The following PCDHGB2 variants were observed in gnomAD, a reference collection of about 807,000 sequenced individuals.
The protein encoded by PCDHGB2 is protocadherin gamma-B2.
Under a neutral mutation model 59.3 loss-of-function variants are expected in PCDHGB2, and 55 were observed. That is an observed-to-expected ratio of 0.93 (90% confidence interval 0.75 to 1.16). The LOEUF (loss-of-function observed/expected upper bound fraction) is 1.16. PCDHGB2 is among the 50% of genes most tolerant of loss of function. The pLI is 0.00. For synonymous variants in PCDHGB2, 516 were observed against 512.0 expected (o/e 1.01, Z -0.11); for missense variants, 1,228 against 1,198.5 (o/e 1.02, Z -0.36).
At chr5:141,439,547 T>C (rs2098120171) in intron 1 of PCDHGB2, among the ~76,000 whole-genome samples, 2 of 152,180 alleles carry the variant, frequency 1.3e-5, no homozygotes, top group Non-Finnish European at 2.9e-5. Context: ...CTCTCATTTC[T>C]TCAGGCTGCA....
chr5:141,468,598 G>A (rs1250884127), intron 1 of PCDHGB2: 1 of 152,228 alleles, frequency 6.6e-6, no homozygotes, highest in African/African-American at 2.4e-5. Context: ...TGGGCGCGGT[G>A]GCTCACGCCT....
At chr5:141,400,557 ACC>A in intron 1 of PCDHGB2, 5 of 1,613,254 alleles carry the variant, frequency 3.1e-6, no homozygotes, top group Non-Finnish European at 3.4e-6. Context: ...CTTTTTCATT[ACC>A]CACCCAATTT....
At position 141,486,230 on chromosome 5, in the gene PCDHGB2, A is replaced by G. The variant is rs1463946178; in HGVS notation, c.2422-8577A>G. ...TGACAATGCCCCTTACATCACAGTG[A>G]CCTCAGAGCTTGGAACCCTCCCCGA... On this transcript the variant is annotated intron_variant, in intron 1 of 3. Coordinates refer to ENST00000522605, the MANE Select transcript of PCDHGB2 (RefSeq NM_018923.3). This position sits in a 1 kb window ranked among gnomAD's most constrained non-coding sequence, Gnocchi z 5.0. 2 of 1,613,898 alleles carry G rather than the reference A, an allele frequency of 1.2e-6. No individual in the cohort carries two copies. The highest frequency in any genetic ancestry group is 2.2e-5 in the East Asian group (1 of 44,878).
At chr5:141,504,990 C>T (rs1056476591) in intron 2 of PCDHGB2, among the ~76,000 whole-genome samples, 3 of 151,976 alleles carry the variant, frequency 2.0e-5, no homozygotes, top group Non-Finnish European at 2.9e-5. Context: ...GGTGAAACCC[C>T]GTCTGTACTA....
At chr5:141,380,666 A>G (rs1338427097) in intron 1 of PCDHGB2, among the ~76,000 whole-genome samples, 1 of 152,250 alleles carries the variant, frequency 6.6e-6, no homozygotes, top group African/African-American at 2.4e-5. Flanking sequence ...CATTTACTCC[A>G]TAGGGTATGT....
intron 1 of PCDHGB2, chr5:141,375,652 G>A (rs1200856953): frequency 1.8e-5 from 29 of 1,614,096 alleles, no homozygotes; most frequent in Non-Finnish European, 2.3e-5. Context: ...TCGACTATGA[G>A]CAGTTGAGAG....
chr5:141,370,889 T>C, intron 1 of PCDHGB2: 4 of 1,614,040 alleles, frequency 2.5e-6, no homozygotes, highest in Non-Finnish European at 3.4e-6. Context: ...TAGGTGTCAA[T>C]TCGCTGCAGC....
intron 2 of PCDHGB2, among the ~76,000 whole-genome samples, chr5:141,498,024 A>G (rs1455238086): frequency 6.6e-6 from 1 of 152,200 alleles, no homozygotes; most frequent in East Asian, 1.9e-4. Flanking sequence ...GGAGACAAAT[A>G]TTGACCAAAT....
rs1438257730 is a variant in PCDHGB2, at chr5:141,477,587, C to G, written c.2422-17220C>G. 4.3e-6 allele frequency: 7 copies of G among 1,614,094 alleles called. 1 individual carries two copies. In the South Asian group the frequency reaches 7.7e-5, roughly 18 times the overall value. ...GGACCCCGACGCCCCGCAGAATGCT[C>G]GGCTTTCTTTCTTTCTCTTGGAGCA... On this transcript the variant is annotated intron_variant, in intron 1 of 3. Transcript: ENST00000522605. The surrounding 1 kb of genome is among the most constrained non-coding windows in gnomAD (Gnocchi z 4.9).
At chr5:141,421,222 C>T in intron 1 of PCDHGB2, 1 of 1,576,946 alleles carries the variant, frequency 6.3e-7, no homozygotes, top group Non-Finnish European at 8.6e-7. Flanking sequence ...CGGCTTAGAG[C>T]CTGCCATGGC....
At position 141,511,239 on chromosome 5, in the gene PCDHGB2, C is replaced by A; in HGVS notation, c.*66C>A. On this transcript the variant is annotated 3_prime_UTR_variant, in exon 4 of 4. Coordinates refer to ENST00000522605, the MANE Select transcript of PCDHGB2 (RefSeq NM_018923.3). ...AACCAGCCCAGCTTCTCCTTACCTG[C>A]ACCCAGGCCTCAGAGTTTCAGGGCT... 1 of 1,587,938 alleles carries A rather than the reference C, an allele frequency of 6.3e-7. No homozygotes were observed. Among genetic ancestry groups the A allele is most frequent in the Admixed American group, 1.8e-5 (1 of 55,480 alleles).
intron 1 of PCDHGB2, chr5:141,408,445 C>T (rs759314379): frequency 2.5e-6 from 4 of 1,613,846 alleles, no homozygotes; most frequent in Admixed American, 1.7e-5. Flanking sequence ...ACGCGGAGAG[C>T]GGGGACTTAC....
At position 141,361,541 on chromosome 5, in the gene PCDHGB2, C is replaced by CCA. The variant is rs1554077800; in HGVS notation, c.1407_1408insAC (p.Ser470ThrfsTer24). The CCA allele has an allele frequency of 2.5e-6, 4 of 1,613,956 alleles. No individual in the cohort carries two copies. Among genetic ancestry groups the CCA allele is most frequent in the Non-Finnish European group, 1.7e-6 (2 of 1,179,912 alleles). On this transcript the variant is annotated frameshift_variant, in exon 1 of 4. Coordinates refer to ENST00000522605, the MANE Select transcript of PCDHGB2 (RefSeq NM_018923.3). LOFTEE classifies it high-confidence loss of function. Reference sequence around the variant, plus strand: ...GTGGCAGAGAACAATCCTCCTGGCGCCTCTATCGCTCAAATCAGTGCCTCT... The same window carrying CCA: ...GTGGCAGAGAACAATCCTCCTGGCGCCACTCTATCGCTCAAATCAGTGCCTCT...
chr5:141,450,650 C>G (rs1220350105), intron 1 of PCDHGB2, among the ~76,000 whole-genome samples: 1 of 151,618 alleles, frequency 6.6e-6, no homozygotes, highest in Non-Finnish European at 1.5e-5. Context: ...CCATGCCTGG[C>G]TAATTTTTGT....
At chr5:141,403,010 C>G in intron 1 of PCDHGB2, 1 of 1,614,058 alleles carries the variant, frequency 6.2e-7, no homozygotes, top group Non-Finnish European at 8.5e-7. Flanking sequence ...ATGCTCGCTC[C>G]TGGGGATGCT....
intron 1 of PCDHGB2, chr5:141,414,538 A>C: frequency 1.2e-6 from 2 of 1,613,882 alleles, no homozygotes; most frequent in Non-Finnish European, 1.7e-6. Flanking sequence ...CAACCCACCT[A>C]CCTTCTCTCA....
chr5:141,408,918 C>G, intron 1 of PCDHGB2: 1 of 1,613,408 alleles, frequency 6.2e-7, no homozygotes, highest in Non-Finnish European at 8.5e-7. Flanking sequence ...AATGATAACC[C>G]CCCGGTTTTC....
At position 141,374,694 on chromosome 5, in the gene PCDHGB2, G is replaced by T. The variant is rs375847789; in HGVS notation, c.2421+12138G>T. The T allele has an allele frequency of 1.2e-6, 2 of 1,609,362 alleles. No individual in the cohort carries two copies. Among genetic ancestry groups the T allele is most frequent in the Non-Finnish European group, 1.7e-6 (2 of 1,177,726 alleles). On this transcript the variant is annotated intron_variant, in intron 1 of 3. Coordinates refer to ENST00000522605, the MANE Select transcript of PCDHGB2 (RefSeq NM_018923.3). ...CTGGAGGGCACACTGGACCGGGAAG[G>T]AGAAGCCGTTTACCGCCTGGTCCTT...
chr5:141,422,078 A>G lies in PCDHGB2; in HGVS notation c.2421+59522A>G, dbSNP rs1442545718. 11 of 1,612,298 alleles carry G rather than the reference A, an allele frequency of 6.8e-6. No homozygotes were observed. In the South Asian group the frequency reaches 8.8e-5, roughly 13 times the overall value. Reference sequence around the variant, plus strand: ...GGGGAAGTAATGTATTCATTTCGGAACATGGAAAGCAAGGCTTCTGAAATA... The same window carrying G: ...GGGGAAGTAATGTATTCATTTCGGAGCATGGAAAGCAAGGCTTCTGAAATA... On this transcript the variant is annotated intron_variant, in intron 1 of 3. Coordinates refer to ENST00000522605, the MANE Select transcript of PCDHGB2 (RefSeq NM_018923.3).
Sources: gnomAD v4.1 joint callset for allele counts (sites outside exome capture counted in the v4.1 genomes callset) on GRCh38, gnomAD v4.1.1 for gene constraint, Gnocchi (gnomAD v3.1) non-coding constraint, MANE v1.5 for transcripts, NCBI Gene and HGNC (gene_info 2026-07-23, HGNC 2026-07-21) for gene names.